The following ADGRF5 variants were observed in gnomAD, a reference collection of about 807,000 sequenced individuals.
The protein encoded by ADGRF5 is G-protein coupled receptor 116.
Under a neutral mutation model 132.3 loss-of-function variants are expected in ADGRF5, and 75 were observed. The ratio of observed to expected loss-of-function variants is 0.57; its 90% CI spans 0.47 to 0.69. The LOEUF is 0.69. Among genes scored for constraint, ADGRF5 ranks in the 30% least tolerant of loss-of-function variants. The pLI, the probability that ADGRF5 is intolerant of heterozygous loss-of-function variation, is 0.00. For synonymous variants in ADGRF5, 629 were observed against 597.6 expected, an observed-to-expected ratio of 1.05 and a Z score of -0.77; for missense variants, 1,516 against 1,630.6, an observed-to-expected ratio of 0.93 and a Z score of 1.21.
At chr6:46,943,394 A>G (rs10948314) in intron 1 of ADGRF5, among the ~76,000 whole-genome samples, 13,923 of 152,246 alleles carry the variant, frequency 0.091, 811 homozygotes, top group East Asian at 0.19. Context: ...TCACTGGACA[A>G]ATGTTTCTGG....
upstream of ADGRF5, among the ~76,000 whole-genome samples, chr6:46,926,039 T>C (rs1483422592): frequency 6.6e-6 from 1 of 152,130 alleles, no homozygotes; most frequent in Non-Finnish European, 1.5e-5. Flanking sequence ...GATCTGTCCT[T>C]ATACAAGGAA....
intron 3 of ADGRF5, among the ~76,000 whole-genome samples, chr6:46,890,137 G>A (rs1032602334): frequency 6.6e-6 from 1 of 152,010 alleles, no homozygotes; most frequent in Non-Finnish European, 1.5e-5. Context: ...CTGTCGCCCA[G>A]GCTGGAGTGT....
rs144508299 is a variant in ADGRF5, at chr6:46,946,650, G to A, written c.-25+8084C>T. Among the ~76,000 whole-genome samples, 24 of 152,302 alleles carry A rather than the reference G, an allele frequency of 1.6e-4. No individual in the cohort carries two copies. The East Asian group carries it at 3.9e-3, about 25-fold the overall frequency. On this transcript the variant is annotated intron_variant, in intron 1 of 20. Coordinates refer to the ADGRF5 transcript ENST00000265417. ...GAATAAAGGGCAGGAGCACGGGAGA[G>A]CTGAGCTCTGGAGGCAGGGAAGGGT...
intron 4 of ADGRF5, chr6:46,886,757 C>T (rs1478695322): frequency 6.6e-6 from 1 of 152,234 alleles, no homozygotes; most frequent in South Asian, 2.1e-4. Context: ...GCCTAACCTT[C>T]ATTGCCCACC....
Position 46,895,355 on chromosome 6 carries a change from T to C in ADGRF5, c.157+4674A>G, listed in dbSNP as rs1774068508. On this transcript the variant is annotated intron_variant, in intron 3 of 20. Coordinates refer to ENST00000283296, the MANE Select transcript of ADGRF5 (RefSeq NM_001098518.2). ...CAGCCTGAAAGCACCAGGTCTTCTA[T>C]CTCACTCCACCACCATCACTGCCGG... is the stretch of plus-strand genomic sequence containing the variant. Among the ~76,000 whole-genome samples the C allele has an allele frequency of 2.6e-5, 4 of 151,630 alleles. No homozygotes were observed. The South Asian group carries it at 8.4e-4, about 32-fold the overall frequency.
At chr6:46,898,004 G>A (rs976084605) in intron 3 of ADGRF5, among the ~76,000 whole-genome samples, 1 of 152,142 alleles carries the variant, frequency 6.6e-6, no homozygotes, top group African/African-American at 2.4e-5. Context: ...GACTCTAGAG[G>A]CCCAAGAACA....
intron 19 of ADGRF5, 91 bp downstream of exon 19, chr6:46,856,627 C>T (rs775647809): frequency 3.5e-5 from 30 of 864,304 alleles, no homozygotes; most frequent in Non-Finnish European, 5.2e-5. Context: ...GATCAAAATC[C>T]CAAAGAAAAA....
chr6:46,870,902 T>C (rs1447295670), intron 11 of ADGRF5: 1 of 345,910 alleles, frequency 2.9e-6, no homozygotes, highest in East Asian at 1.1e-4. Flanking sequence ...GTTTTGATTA[T>C]TTGAACATAA....
At chr6:46,860,926 T>A (rs747493953) in intron 15 of ADGRF5, 32 bp from the exon 16 acceptor site, 284 of 1,545,492 alleles carry the variant, frequency 1.8e-4, no homozygotes, top group Non-Finnish European at 2.3e-4. Flanking sequence ...CAAAAAAAAA[T>A]TTACCAATCA....
At chr6:46,934,364 T>C (rs910496276) in intron 1 of ADGRF5, among the ~76,000 whole-genome samples, 1 of 152,214 alleles carries the variant, frequency 6.6e-6, no homozygotes, top group Non-Finnish European at 1.5e-5. Context: ...CCCTCCATTA[T>C]TTTCAGCAAT....
chr6:46,881,897 A>G, intron 7 of ADGRF5, 152 bp downstream of exon 7: 1 of 713,814 alleles, frequency 1.4e-6, no homozygotes, highest in South Asian at 1.7e-5. Flanking sequence ...AAACAGGTAC[A>G]TCTGTAAGGG....
intron 4 of ADGRF5, 124 bp downstream of exon 4, chr6:46,888,211 A>G (rs1226358708): frequency 3.0e-6 from 2 of 671,998 alleles, no homozygotes; most frequent in Middle Eastern, 3.0e-4. Flanking sequence ...AGAATCACAC[A>G]TCCGTCTCGG....
At chr6:46,874,488 G>A (rs893503994) in intron 10 of ADGRF5, among the ~76,000 whole-genome samples, 5 of 152,218 alleles carry the variant, frequency 3.3e-5, no homozygotes, top group African/African-American at 1.2e-4. Context: ...TAAGAAAGAA[G>A]TCAATATGTT....
intron 1 of ADGRF5, among the ~76,000 whole-genome samples, chr6:46,938,531 T>C (rs1777932653): frequency 6.6e-6 from 1 of 152,138 alleles, no homozygotes; most frequent in Non-Finnish European, 1.5e-5. Flanking sequence ...ATCTTGGAGT[T>C]CACCCCCTAA....
At chr6:46,919,240 A>T (rs929506642) in intron 1 of ADGRF5, among the ~76,000 whole-genome samples, 2 of 152,202 alleles carry the variant, frequency 1.3e-5, no homozygotes, top group Non-Finnish European at 2.9e-5. Flanking sequence ...TGACATAAAA[A>T]AAATGGGGCT....
At chr6:46,882,727 G>C (rs1207858363) in intron 6 of ADGRF5, among the ~76,000 whole-genome samples, 2 of 152,198 alleles carry the variant, frequency 1.3e-5, no homozygotes, top group African/African-American at 2.4e-5. Flanking sequence ...GTGTGAGGAG[G>C]GTTCTCCTGC....
intron 1 of ADGRF5, among the ~76,000 whole-genome samples, chr6:46,914,656 G>T (rs9472902): frequency 0.029 from 4,406 of 151,674 alleles, 206 homozygotes; most frequent in African/African-American, 0.1. Context: ...GTGGGTCTTA[G>T]GCTTTAAGCA....
chr6:46,916,813 T>C (rs1471120005), intron 1 of ADGRF5, among the ~76,000 whole-genome samples: 2 of 152,262 alleles, frequency 1.3e-5, no homozygotes, highest in Non-Finnish European at 2.9e-5. Flanking sequence ...ATGAGCTCTG[T>C]CAATTTTTCT....
intron 1 of ADGRF5, among the ~76,000 whole-genome samples, chr6:46,934,998 CTTTT>C (rs56982002): frequency 2.3e-5 from 2 of 86,706 alleles, no homozygotes; most frequent in African/African-American, 9.4e-5. Flanking sequence ...GGTGATAGTT[CTTTT>C]TTTTTTTTTT....
Sources: allele counts gnomAD v4.1 joint callset (sites outside exome capture counted in the v4.1 genomes callset), GRCh38; gene constraint gnomAD v4.1.1; transcripts MANE v1.5; gene names NCBI Gene and HGNC (gene_info 2026-07-23, HGNC 2026-07-21).